Variants in PIK3CB observed in about 807,000 individuals in gnomAD.
PIK3CB encodes phosphatidylinositol 4,5-bisphosphate 3-kinase catalytic subunit beta isoform.
PIK3CB carries 39 observed loss-of-function variants against 136.8 expected under a neutral mutation model. That is an observed-to-expected ratio of 0.29 (90% CI 0.22 to 0.37). The LOEUF (loss-of-function observed/expected upper bound fraction) is 0.37. PIK3CB is among the 10% of genes least tolerant of loss of function. The pLI is 1.00. For synonymous variants in PIK3CB, 428 were observed against 436.6 expected, an observed-to-expected ratio of 0.98 and a Z score of 0.25; for missense variants, 868 against 1,275.4, an observed-to-expected ratio of 0.68 and a Z score of 4.87.
intron 4 of PIK3CB, among the ~76,000 whole-genome samples, chr3:138,744,371 G>T: frequency 8.4e-6 from 1 of 119,718 alleles, no homozygotes; most frequent in Non-Finnish European, 1.7e-5. Context: ...CTCCAGACTG[G>T]GTGACAGAGC....
chr3:138,705,199 A>AAAAAAAAAAT (rs1559828867), intron 11 of PIK3CB, among the ~76,000 whole-genome samples: 1 of 143,260 alleles, frequency 7.0e-6, no homozygotes, highest in Non-Finnish European at 1.5e-5. Flanking sequence ...ACAAAAAAAA[A>AAAAAAAAAAT]AACTTATATT....
chr3:138,834,007 A>G (rs564383722), intron 1 of PIK3CB, among the ~76,000 whole-genome samples: 1 of 152,316 alleles, frequency 6.6e-6, no homozygotes, highest in African/African-American at 2.4e-5. Context: ...AGTATCGGTT[A>G]CTGCAACACC....
At chr3:138,683,830 T>C (rs1241479420) in intron 17 of PIK3CB, 43 bp from the exon 18 acceptor site, 1 of 960,500 alleles carries the variant, frequency 1.0e-6, no homozygotes, top group African/African-American at 1.6e-5. Context: ...AGTGTAATGA[T>C]ACAGAAGATT....
At chr3:138,684,363 G>A (rs1369766717) in intron 17 of PIK3CB, among the ~76,000 whole-genome samples, 1 of 152,088 alleles carries the variant, frequency 6.6e-6, no homozygotes, top group East Asian at 1.9e-4. Flanking sequence ...TTAAAAATCA[G>A]TAATATAGAA....
At chr3:138,730,847 G>A (rs182425884) in intron 8 of PIK3CB, among the ~76,000 whole-genome samples, 1 of 152,182 alleles carries the variant, frequency 6.6e-6, no homozygotes, top group Non-Finnish European at 1.5e-5. Context: ...TAGGAGGATC[G>A]CTTGAGACCA....
intron 1 of PIK3CB, among the ~76,000 whole-genome samples, chr3:138,827,118 C>T (rs1041146715): frequency 7.2e-5 from 11 of 152,066 alleles, no homozygotes; most frequent in Admixed American, 7.2e-4. Context: ...ATACTAAATA[C>T]GATTGAATAC....
At chr3:138,759,652 CACAT>C (rs1181378303) in intron 2 of PIK3CB, among the ~76,000 whole-genome samples, 1 of 151,934 alleles carries the variant, frequency 6.6e-6, no homozygotes, top group Non-Finnish European at 1.5e-5. Flanking sequence ...AAAATATATA[CACAT>C]ACATATGTAC....
chr3:138,681,040 A>C (rs1444851455), intron 19 of PIK3CB, among the ~76,000 whole-genome samples: 2 of 139,062 alleles, frequency 1.4e-5, no homozygotes, highest in East Asian at 2.3e-4. Context: ...TTTTCATGTT[A>C]GTTTTTTTTT....
At chr3:138,706,457 T>A (rs545145030) in intron 11 of PIK3CB, among the ~76,000 whole-genome samples, 1 of 152,334 alleles carries the variant, frequency 6.6e-6, no homozygotes, top group African/African-American at 2.4e-5. Flanking sequence ...AACAGACATA[T>A]TCAACAAAAA....
rs190463063 is a variant in PIK3CB at position 138,692,058 on chromosome 3, T to C, written c.1893-915A>G. 5.0e-3 allele frequency among the ~76,000 whole-genome samples: 762 copies of C among 152,282 alleles called. 4 individuals carry two copies. Among genetic ancestry groups the C allele is most frequent in the African/African-American group, 0.018 (739 of 41,550 alleles). On this transcript the variant is annotated intron_variant, in intron 14 of 23. Coordinates refer to ENST00000674063, the MANE Select transcript of PIK3CB (RefSeq NM_006219.3). The stretch of plus-strand genomic sequence containing the variant: ...CATTGAAATAATATAACAGATAACA[T>C]TGTAATTAACTGAGCTCAATTAATT...
At chr3:138,743,393 G>C (rs906761408) in intron 4 of PIK3CB, among the ~76,000 whole-genome samples, 2 of 152,094 alleles carry the variant, frequency 1.3e-5, no homozygotes, top group African/African-American at 4.8e-5. Context: ...TTTATAGACT[G>C]AATTTTCAGT....
chr3:138,740,830 G>A (rs1305303121), intron 5 of PIK3CB, among the ~76,000 whole-genome samples: 1 of 151,938 alleles, frequency 6.6e-6, no homozygotes, highest in Non-Finnish European at 1.5e-5. Context: ...TTTTTGTACA[G>A]ATGGGGTTTC....
intron 14 of PIK3CB, among the ~76,000 whole-genome samples, chr3:138,691,715 C>T (rs2108507915): frequency 6.6e-6 from 1 of 152,272 alleles, no homozygotes; most frequent in East Asian, 1.9e-4. Flanking sequence ...TTATAAATTA[C>T]CCAGTCTCAG....
intron 2 of PIK3CB, among the ~76,000 whole-genome samples, chr3:138,793,251 A>AGGTG (rs1379935167): frequency 1.3e-5 from 2 of 152,252 alleles, no homozygotes; most frequent in Non-Finnish European, 2.9e-5. Flanking sequence ...TCTTCTGAGG[A>AGGTG]GGTGACATTA....
intron 1 of PIK3CB, among the ~76,000 whole-genome samples, chr3:138,809,015 G>A (rs2046264268): frequency 6.6e-6 from 1 of 152,002 alleles, no homozygotes; most frequent in South Asian, 2.1e-4. Context: ...GCCGGGCACG[G>A]TGGCTCATGC....
At chr3:138,814,577 T>G (rs1380473046) in intron 1 of PIK3CB, among the ~76,000 whole-genome samples, 1 of 152,076 alleles carries the variant, frequency 6.6e-6, no homozygotes, top group Non-Finnish European at 1.5e-5. Flanking sequence ...TAAATATCTC[T>G]TCCCTTTACT....
intron 8 of PIK3CB, among the ~76,000 whole-genome samples, chr3:138,731,433 T>C (rs1323412959): frequency 6.6e-6 from 1 of 151,594 alleles, no homozygotes; most frequent in African/African-American, 2.4e-5. Flanking sequence ...TTGTATTTTT[T>C]GTAGAGATGG....
At chr3:138,786,667 A>G (rs763243258) in intron 2 of PIK3CB, among the ~76,000 whole-genome samples, 39 of 152,316 alleles carry the variant, frequency 2.6e-4, no homozygotes, top group Middle Eastern at 3.4e-3. Flanking sequence ...TTTAAATACT[A>G]TAAGTTTTAT....
chr3:138,833,854 A>G (rs1576440998), intron 1 of PIK3CB, among the ~76,000 whole-genome samples: 1 of 152,194 alleles, frequency 6.6e-6, no homozygotes, highest in African/African-American at 2.4e-5. Context: ...GCTCGGTTTC[A>G]TTTCAGCAGT....
Sources: allele counts gnomAD v4.1 joint callset (sites outside exome capture counted in the v4.1 genomes callset), GRCh38; gene constraint gnomAD v4.1.1; transcripts MANE v1.5; gene names NCBI Gene and HGNC (gene_info 2026-07-23, HGNC 2026-07-21).